Variants in CPNE3 observed in about 807,000 individuals in gnomAD.
CPNE3 encodes the protein copine 3.
A neutral mutation model predicts 63.9 loss-of-function variants in CPNE3; 68 were observed. That is an observed-to-expected ratio of 1.06 (90% CI 0.87 to 1.30). The LOEUF is 1.30. Among genes scored for constraint, CPNE3 ranks in the 50% most tolerant of loss-of-function variants. CPNE3 has a pLI of 0.00. For missense variants in CPNE3, 665 were observed against 578.1 expected, an observed-to-expected ratio of 1.15 and a Z score of -1.54; for synonymous variants, 219 against 197.5, an observed-to-expected ratio of 1.11 and a Z score of -0.91.
chr8:86,531,946 G>A (rs10087788), intron 5 of CPNE3, among the ~76,000 whole-genome samples: 111,746 of 152,128 alleles, frequency 0.73, 41,985 homozygotes, highest in African/African-American at 0.83. Flanking sequence ...ACATTTCTCT[G>A]AGCAGCTGTT....
rs1159905595 is a variant in CPNE3, at chr8:86,531,225, T to C, written c.383T>C (p.Ile128Thr). 7.7e-6 allele frequency: 9 copies of C among 1,165,172 alleles called. No individual in the cohort carries two copies. The allele number at this position is 1,165,172 out of a possible 1,614,324, so 72.2% of individuals were successfully genotyped here. The change falls in exon 5 of 17, where the codon ATT (isoleucine) becomes ACT (threonine). Residue 128 changes from isoleucine (I) to threonine (T), a missense_variant. Transcript: ENST00000517490. ...KTGRPAGKGS[I>T]TISAEEIKDN... is the part of the protein sequence containing the mutation. ...GGCAGACCTGCAGGAAAAGGGAGCA[T>C]TACGGTAAAAATAAGATATTTGTCT...
chr8:86,547,204 A>T (rs1821071810), intron 10 of CPNE3: 1 of 153,580 alleles, frequency 6.5e-6, no homozygotes, highest in Admixed American at 6.5e-5. Flanking sequence ...CTTATTTGCA[A>T]AGGACAAGGA....
chr8:86,520,876 C>G (rs1389137381), intron 2 of CPNE3, among the ~76,000 whole-genome samples: 1 of 152,072 alleles, frequency 6.6e-6, no homozygotes, highest in Non-Finnish European at 1.5e-5. Context: ...TGGTCTCAAA[C>G]TCCTGACCTC....
In CPNE3 at chr8:86,528,525, G is replaced by C; in HGVS notation, c.-10-11G>C. ...GTTTTACTTGCTTTCTCTTTTTATT[G>C]GTTTTCTCAGAACTCAAGACATGGC... On this transcript the variant is annotated splice_polypyrimidine_tract_variant and intron_variant, in intron 2 of 16. Coordinates refer to ENST00000517490, the MANE Select transcript of CPNE3 (RefSeq NM_003909.5). The C allele has an allele frequency of 6.2e-7, 1 of 1,610,392 alleles. No individual in the cohort carries two copies. The highest frequency in any genetic ancestry group is 8.5e-7 in the Non-Finnish European group (1 of 1,179,128).
intron 2 of CPNE3, among the ~76,000 whole-genome samples, chr8:86,516,286 G>A (rs964638920): frequency 5.3e-5 from 8 of 152,170 alleles, no homozygotes; most frequent in Non-Finnish European, 8.8e-5. Flanking sequence ...GAGGCTCCAG[G>A]ACGGGAGAAA....
chr8:86,547,603 T>A (rs1821081300), intron 10 of CPNE3, 108 bp from the exon 11 acceptor site: 2 of 661,874 alleles, frequency 3.0e-6, no homozygotes, highest in East Asian at 5.6e-5. Context: ...TCCATGTTTA[T>A]ATCATGTCCT....
intron 9 of CPNE3, among the ~76,000 whole-genome samples, chr8:86,546,324 G>T (rs1164778016): frequency 6.6e-6 from 1 of 152,042 alleles, no homozygotes; most frequent in Admixed American, 6.5e-5. Context: ...TGGAACATTT[G>T]CAAGGAAATT....
intron 7 of CPNE3, among the ~76,000 whole-genome samples, chr8:86,539,660 G>GTTTTTTTT (rs369540210): frequency 2.8e-5 from 3 of 108,162 alleles, no homozygotes; most frequent in Non-Finnish European, 5.3e-5. Context: ...ATCCTCCGCA[G>GTTTTTTTT]TTTTTTTTTT....
chr8:86,532,855 G>A (rs2131451256), intron 6 of CPNE3, among the ~76,000 whole-genome samples: 1 of 152,244 alleles, frequency 6.6e-6, no homozygotes, highest in African/African-American at 2.4e-5. Flanking sequence ...AAAGAATACA[G>A]TTGAATTATC....
chr8:86,519,399 C>T (rs977521120), intron 2 of CPNE3, among the ~76,000 whole-genome samples: 5 of 152,158 alleles, frequency 3.3e-5, no homozygotes, highest in Admixed American at 1.3e-4. Context: ...TGCTTTCCTC[C>T]GTTCTGCATG....
At position 86,515,088 on chromosome 8, in the gene CPNE3, G is replaced by C. The variant is rs1820252730; in HGVS notation, c.-48-374G>C. ...TGGGAAGAGGTGACTCTTGATTTCA[G>C]GGTAAACAAGGAGATTGTGAGAAGT... is the stretch of plus-strand genomic sequence containing the variant. On this transcript the variant is annotated intron_variant, in intron 1 of 16. Coordinates refer to ENST00000517490, the MANE Select transcript of CPNE3 (RefSeq NM_003909.5). The C allele has an allele frequency of 1.3e-5, 2 of 152,192 alleles. 1 individual carries two copies. Among genetic ancestry groups the C allele is most frequent in the Admixed American group, 1.3e-4 (2 of 15,280 alleles). The allele number at this position is 152,192 out of a possible 1,614,324, so 9.4% of individuals were successfully genotyped here.
At chr8:86,555,011 G>A in intron 15 of CPNE3, 27 bp downstream of exon 15, 4 of 1,613,140 alleles carry the variant, frequency 2.5e-6, no homozygotes, top group Non-Finnish European at 3.4e-6. Flanking sequence ...CAGGGAATGG[G>A]AAGAATGTGG....
chr8:86,526,675 G>C (rs1206916143), intron 2 of CPNE3, among the ~76,000 whole-genome samples: 1 of 151,986 alleles, frequency 6.6e-6, no homozygotes, highest in Admixed American at 6.6e-5. Flanking sequence ...ACCACACCCA[G>C]CTAGTTTTTG....
At chr8:86,528,756 TAAC>T in intron 3 of CPNE3, 79 bp downstream of exon 3, 2 of 1,480,082 alleles carry the variant, frequency 1.4e-6, no homozygotes, top group South Asian at 1.4e-5. Flanking sequence ...ATGTTAAAAA[TAAC>T]AACACTATCT....
At chr8:86,532,238 C>T (rs1820698633) in intron 5 of CPNE3, among the ~76,000 whole-genome samples, 1 of 152,116 alleles carries the variant, frequency 6.6e-6, no homozygotes, top group African/African-American at 2.4e-5. Context: ...TTTGACATTT[C>T]TCTTGAATAG....
intron 6 of CPNE3, among the ~76,000 whole-genome samples, chr8:86,533,332 CAG>C (rs947600151): frequency 5.9e-5 from 9 of 151,924 alleles, no homozygotes; most frequent in Non-Finnish European, 1.0e-4. Context: ...CACTTGAGCT[CAG>C]AAGTTTGAGA....
intron 6 of CPNE3, among the ~76,000 whole-genome samples, chr8:86,533,599 T>G (rs1351940207): frequency 6.6e-6 from 1 of 152,058 alleles, no homozygotes; most frequent in Admixed American, 6.5e-5. Flanking sequence ...ACTTTTTTTT[T>G]TTAATTGTGG....
At chr8:86,557,032 AC>A (rs1821340941) in intron 16 of CPNE3, among the ~76,000 whole-genome samples, 1 of 151,994 alleles carries the variant, frequency 6.6e-6, no homozygotes, top group Admixed American at 6.5e-5. Context: ...TGGATGCACC[AC>A]CATTTGTGTA....
At chr8:86,529,604 T>C (rs945499599) in intron 4 of CPNE3, among the ~76,000 whole-genome samples, 4 of 152,188 alleles carry the variant, frequency 2.6e-5, no homozygotes, top group Admixed American at 2.0e-4. Context: ...TGGAATCCTT[T>C]CCTGAGCTCA....
Sources: allele counts gnomAD v4.1 joint callset (sites outside exome capture counted in the v4.1 genomes callset), GRCh38; gene constraint gnomAD v4.1.1; transcripts MANE v1.5; gene names NCBI Gene and HGNC (gene_info 2026-07-23, HGNC 2026-07-21).